The following KCNQ1 variants were observed in gnomAD, a reference collection of about 807,000 sequenced individuals.
The protein encoded by KCNQ1 is potassium voltage-gated channel subfamily KQT member 1.
In KCNQ1, 49 loss-of-function variants were observed where a neutral mutation model predicts 72.4. The ratio of observed to expected loss-of-function variants is 0.68; its 90% confidence interval spans 0.54 to 0.86. KCNQ1 has a LOEUF of 0.86. Ranked by LOEUF, KCNQ1 falls within the 40% of genes least tolerant of loss-of-function variation. KCNQ1 has a pLI of 0.00. For missense variants in KCNQ1, 790 were observed against 945.1 expected, an observed-to-expected ratio of 0.84 and a Z score of 2.15; for synonymous variants, 450 against 412.6, an observed-to-expected ratio of 1.09 and a Z score of -1.10.
intron 10 of KCNQ1, chr11:2,646,795 C>T (rs1214559945): frequency 2.5e-6 from 1 of 398,472 alleles, no homozygotes; most frequent in Non-Finnish European, 4.4e-6. Flanking sequence ...AAATTACAAG[C>T]ATGAGCCATC....
At chr11:2,689,872 T>C (rs983142577) in intron 11 of KCNQ1, 13 of 398,642 alleles carry the variant, frequency 3.3e-5, no homozygotes, top group Non-Finnish European at 5.3e-5. Context: ...CCCCTGCCTA[T>C]CCAGCCCCAT....
intron 1 of KCNQ1, among the ~76,000 whole-genome samples, chr11:2,465,128 A>G (rs1360832926): frequency 1.3e-5 from 2 of 152,050 alleles, no homozygotes; most frequent in Non-Finnish European, 2.9e-5. Context: ...CTAACCTTCC[A>G]TGGGCCACAG....
chr11:2,840,026 G>A (rs139322798), intron 15 of KCNQ1: 29 of 152,290 alleles, frequency 1.9e-4, no homozygotes, highest in Non-Finnish European at 3.1e-4. Context: ...TTGGGGCACC[G>A]ACCCCCGAAC....
chr11:2,514,322 C>T (rs1847255096), intron 1 of KCNQ1, among the ~76,000 whole-genome samples: 1 of 152,212 alleles, frequency 6.6e-6, no homozygotes, highest in South Asian at 2.1e-4. Context: ...GGGGCTGCCC[C>T]ATCTCTGGAA....
At chr11:2,503,008 A>G (rs1170842389) in intron 1 of KCNQ1, among the ~76,000 whole-genome samples, 2 of 152,148 alleles carry the variant, frequency 1.3e-5, no homozygotes, top group East Asian at 1.9e-4. Context: ...CTAGACCCCT[A>G]TCTCTCACCA....
intron 15 of KCNQ1, among the ~76,000 whole-genome samples, chr11:2,835,130 A>G (rs956945508): frequency 8.5e-5 from 13 of 152,300 alleles, no homozygotes; most frequent in African/African-American, 2.9e-4. Context: ...CGCAGCTGCA[A>G]ACCGGCCCTG....
At chr11:2,672,484 C>G in intron 11 of KCNQ1, 1 of 398,664 alleles carries the variant, frequency 2.5e-6, no homozygotes, top group Non-Finnish European at 4.4e-6. Context: ...TCCCCACATT[C>G]CATGGCAGTG....
rs540070081 is a variant in KCNQ1, at chr11:2,711,280, C to T, written c.1514+49199C>T. On this transcript the variant is annotated intron_variant, in intron 11 of 15. Coordinates refer to ENST00000155840, the MANE Select transcript of KCNQ1 (RefSeq NM_000218.3). This position sits in a 1 kb window ranked among gnomAD's most constrained non-coding sequence, Gnocchi z 5.4. ...TTCTGCCCATCCTCCAGCCCATCTC[C>T]CTTGGAGTCTCTCCCCGACTCCAGG... Among the ~76,000 whole-genome samples the T allele has an allele frequency of 6.6e-6, 1 of 152,328 alleles. No homozygotes were observed. Among genetic ancestry groups the T allele is most frequent in the South Asian group, 2.1e-4 (1 of 4,824 alleles).
At chr11:2,708,696 T>C (rs993287695) in intron 11 of KCNQ1, among the ~76,000 whole-genome samples, 6 of 152,048 alleles carry the variant, frequency 3.9e-5, no homozygotes, top group African/African-American at 1.4e-4. Flanking sequence ...AGGCAGAAGA[T>C]ACAGTTTATA....
At chr11:2,583,022 T>A (rs1848526370) in intron 6 of KCNQ1, among the ~76,000 whole-genome samples, 1 of 152,122 alleles carries the variant, frequency 6.6e-6, no homozygotes, top group Non-Finnish European at 1.5e-5. Flanking sequence ...GCCCCTGCTC[T>A]TTGTTGACGA....
chr11:2,796,940 CTG>C (rs1184428908), intron 15 of KCNQ1, among the ~76,000 whole-genome samples: 5 of 152,360 alleles, frequency 3.3e-5, no homozygotes, highest in Admixed American at 2.0e-4. Flanking sequence ...TGGAGTGAGA[CTG>C]TGCCTGTCCC....
Position 2,642,522 on chromosome 11 carries a change from C to T in KCNQ1, c.1394-19439C>T, listed in dbSNP as rs1849595486. 3 of 397,774 alleles carry T rather than the reference C, an allele frequency of 7.5e-6. No individual in the cohort carries two copies. Among genetic ancestry groups the T allele is most frequent in the South Asian group, 1.3e-4 (1 of 7,830 alleles). 24.6% of individuals were successfully genotyped at this position (397,774 alleles called of 1,614,324 possible). On this transcript the variant is annotated intron_variant, in intron 10 of 15. Transcript: ENST00000155840. This position sits in a 1 kb window ranked among gnomAD's most constrained non-coding sequence, Gnocchi z 4.3. ...TTTCATGGTATGAGTTGTAATATCC[C>T]CTTTTTCATTTTTGATTTTATTCAT...
intron 15 of KCNQ1, among the ~76,000 whole-genome samples, chr11:2,792,973 A>G (rs1189273463): frequency 6.9e-6 from 1 of 144,666 alleles, no homozygotes; most frequent in Admixed American, 7.2e-5. Context: ...GCCGCAGGTC[A>G]GGCACACAAG....
Position 2,563,573 on chromosome 11 carries a change from A to C in KCNQ1, c.478-7055A>C, listed in dbSNP as rs1467370883. 6.6e-6 allele frequency among the ~76,000 whole-genome samples: 1 copy of C among 152,232 alleles called. No individual in the cohort carries two copies. The highest frequency in any genetic ancestry group is 2.4e-5 in the African/African-American group (1 of 41,466). ...CCCCTGGGTTGAGGTTGAGGGTCCC[A>C]GGGTCTGTCTGCCTAATGACAAGAT... On this transcript the variant is annotated intron_variant, in intron 2 of 15. Coordinates refer to ENST00000155840, the MANE Select transcript of KCNQ1 (RefSeq NM_000218.3). The surrounding 1 kb of genome is among the most constrained non-coding windows in gnomAD (Gnocchi z 7.4).
intron 10 of KCNQ1, chr11:2,615,490 G>A: frequency 2.5e-6 from 1 of 397,894 alleles, no homozygotes; most frequent in Non-Finnish European, 4.4e-6. Context: ...TTTGTTATGG[G>A]AGAAATTTTT....
intron 1 of KCNQ1, among the ~76,000 whole-genome samples, chr11:2,499,822 T>A (rs1846981180): frequency 1.3e-5 from 2 of 152,184 alleles, no homozygotes; most frequent in South Asian, 4.1e-4. Flanking sequence ...ATATACCTAA[T>A]AGATATTTAC....
In KCNQ1 at chr11:2,620,031, A is replaced by G. The variant is rs1849139474; in HGVS notation, c.1393+31177A>G. On this transcript the variant is annotated intron_variant, in intron 10 of 15. Coordinates refer to ENST00000155840, the MANE Select transcript of KCNQ1 (RefSeq NM_000218.3). This position sits in a 1 kb window ranked among gnomAD's most constrained non-coding sequence, Gnocchi z 4.5. ...CCACCTCTCCATTCCTCCCCCAAGTAGTCCCCAGTGTCTACTGATCATCTT... is the reference window on the plus strand; with the variant it reads ...CCACCTCTCCATTCCTCCCCCAAGTGGTCCCCAGTGTCTACTGATCATCTT... The G allele has an allele frequency of 5.0e-6, 2 of 397,998 alleles. No individual in the cohort carries two copies. Among genetic ancestry groups the G allele is most frequent in the Non-Finnish European group, 8.8e-6 (2 of 226,014 alleles). The allele number at this position is 397,998 out of a possible 1,614,324, so 24.7% of individuals were successfully genotyped here.
chr11:2,604,518 C>T (rs1848852178), intron 10 of KCNQ1, among the ~76,000 whole-genome samples: 1 of 151,910 alleles, frequency 6.6e-6, no homozygotes, highest in Admixed American at 6.5e-5. Context: ...GATATGAAAA[C>T]ACATGGGAGT....
chr11:2,514,652 C>G (rs572237495), intron 1 of KCNQ1, among the ~76,000 whole-genome samples: 1 of 152,340 alleles, frequency 6.6e-6, no homozygotes, highest in South Asian at 2.1e-4. Flanking sequence ...CTGTGAAACC[C>G]CATCTCTACT....
Sources: allele counts gnomAD v4.1 joint callset (sites outside exome capture counted in the v4.1 genomes callset), GRCh38; gene constraint gnomAD v4.1.1; non-coding constraint Gnocchi (gnomAD v3.1); transcripts MANE v1.5; gene names NCBI Gene and HGNC (gene_info 2026-07-23, HGNC 2026-07-21).